The following SUCLG2 variants were observed in gnomAD, a reference collection of about 807,000 sequenced individuals.
The protein encoded by SUCLG2 is succinate-CoA ligase GDP-forming subunit beta.
Under a neutral mutation model 47.9 loss-of-function variants are expected in SUCLG2, and 42 were observed. The ratio of observed to expected loss-of-function variants is 0.88; its 90% CI spans 0.69 to 1.14. The LOEUF is 1.14. Among genes scored for constraint, SUCLG2 ranks in the 50% most tolerant of loss-of-function variants. The pLI is 0.00. For missense variants in SUCLG2, 571 were observed against 525.9 expected (o/e 1.09, Z -0.84); for synonymous variants, 195 against 197.3 (o/e 0.99, Z 0.10).
chr3:67,424,888 T>C lies in SUCLG2; in HGVS notation c.1063-24037A>G, dbSNP rs185684423. On this transcript the variant is annotated intron_variant, in intron 9 of 10. Coordinates refer to ENST00000307227, the MANE Select transcript of SUCLG2 (RefSeq NM_003848.4). ...TGCTTAGCATTCCACTTTTAGCCAATCTGAACAATCTCTTTACTGTATTCT... is the reference window on the plus strand; with the variant it reads ...TGCTTAGCATTCCACTTTTAGCCAACCTGAACAATCTCTTTACTGTATTCT... Among the ~76,000 whole-genome samples the C allele has an allele frequency of 4.0e-3, 614 of 152,194 alleles. 4 individuals carry two copies. Among genetic ancestry groups the C allele is most frequent in the South Asian group, 0.022 (108 of 4,812 alleles).
chr3:67,430,545 G>A (rs1465649883), intron 9 of SUCLG2, among the ~76,000 whole-genome samples: 2 of 152,136 alleles, frequency 1.3e-5, no homozygotes, highest in African/African-American at 4.8e-5. Flanking sequence ...AAAAGAACTA[G>A]AGAAGCAAGA....
chr3:67,525,286 T>C (rs1274242693), intron 4 of SUCLG2, among the ~76,000 whole-genome samples: 4 of 152,210 alleles, frequency 2.6e-5, no homozygotes, highest in Admixed American at 2.0e-4. Context: ...TTCTAGATTG[T>C]ACATAAAAAG....
intron 4 of SUCLG2, among the ~76,000 whole-genome samples, chr3:67,526,303 A>C (rs953077726): frequency 2.0e-5 from 3 of 152,060 alleles, no homozygotes; most frequent in African/African-American, 4.8e-5. Flanking sequence ...CTAAAATTGC[A>C]AAAAAAATCT....
chr3:67,654,128 G>C (rs921685027), intron 1 of SUCLG2, among the ~76,000 whole-genome samples: 10 of 152,240 alleles, frequency 6.6e-5, no homozygotes, highest in Admixed American at 5.9e-4. Context: ...CCAGAAGTTT[G>C]AAAAGCAGAA....
At chr3:67,478,640 TTTAA>T (rs1704830685) in intron 9 of SUCLG2, among the ~76,000 whole-genome samples, 1 of 152,256 alleles carries the variant, frequency 6.6e-6, no homozygotes, top group Non-Finnish European at 1.5e-5. Flanking sequence ...CACATACACA[TTTAA>T]TTTATGTAAA....
At chr3:67,628,090 T>A (rs542424576) in intron 1 of SUCLG2, among the ~76,000 whole-genome samples, 1 of 152,236 alleles carries the variant, frequency 6.6e-6, no homozygotes, top group Non-Finnish European at 1.5e-5. Flanking sequence ...ATAGTCTCTA[T>A]CTTTCTAACT....
rs182561202 is a variant in SUCLG2, at chr3:67,525,388, A to G, written c.417+2744T>C. On this transcript the variant is annotated intron_variant, in intron 4 of 10. Coordinates refer to ENST00000307227, the MANE Select transcript of SUCLG2 (RefSeq NM_003848.4). ...TCAATTTCAGAATTTATATAAATACAGTAATTAAGACTCTGTGATATTGGT... is the reference window on the plus strand; with the variant it reads ...TCAATTTCAGAATTTATATAAATACGGTAATTAAGACTCTGTGATATTGGT... Among the ~76,000 whole-genome samples the G allele has an allele frequency of 3.6e-3, 544 of 152,360 alleles. 2 individuals carry two copies. Among genetic ancestry groups the G allele is most frequent in the African/African-American group, 0.012 (519 of 41,588 alleles).
chr3:67,647,785 G>T (rs1046419534), intron 1 of SUCLG2, among the ~76,000 whole-genome samples: 2 of 152,100 alleles, frequency 1.3e-5, no homozygotes, highest in South Asian at 2.1e-4. Context: ...AAGATAATCA[G>T]AGCCCGGGAG....
At chr3:67,407,735 GCAAGCATGTTT>G in intron 9 of SUCLG2, among the ~76,000 whole-genome samples, 1 of 152,246 alleles carries the variant, frequency 6.6e-6, no homozygotes, top group Non-Finnish European at 1.5e-5. Flanking sequence ...TAAAAATCAA[GCAAGCATGTTT>G]ATATTAGCCA....
chr3:67,393,169 G>A (rs1030905087), intron 10 of SUCLG2, among the ~76,000 whole-genome samples: 20 of 152,354 alleles, frequency 1.3e-4, no homozygotes, highest in African/African-American at 3.6e-4. Flanking sequence ...GACAGTGGGC[G>A]CAGGACAGTG....
rs764610752 is a variant in SUCLG2, at chr3:67,632,766, T to C, written c.84+21737A>G. Among the ~76,000 whole-genome samples, 3 of 152,172 alleles carry C rather than the reference T, an allele frequency of 2.0e-5. No homozygotes were observed. In the East Asian group the frequency reaches 5.8e-4, roughly 29 times the overall value. ...GGAGGCACAGAAAGATTAACACATG[T>C]TTCCAAGGTCACAAGGATACAAACC... On this transcript the variant is annotated intron_variant, in intron 1 of 10. Coordinates refer to ENST00000307227, the MANE Select transcript of SUCLG2 (RefSeq NM_003848.4).
At chr3:67,616,064 G>A (rs1418891210) in intron 1 of SUCLG2, among the ~76,000 whole-genome samples, 1 of 151,808 alleles carries the variant, frequency 6.6e-6, no homozygotes, top group East Asian at 1.9e-4. Context: ...ACTTTTAAGA[G>A]ACCATGTGCA....
intron 2 of SUCLG2, among the ~76,000 whole-genome samples, chr3:67,555,413 T>G (rs1707132590): frequency 6.6e-6 from 1 of 152,178 alleles, no homozygotes; most frequent in South Asian, 2.1e-4. Flanking sequence ...TATACACACA[T>G]ACTACCTCCT....
chr3:67,470,294 T>A (rs974467859), intron 9 of SUCLG2, among the ~76,000 whole-genome samples: 1 of 152,164 alleles, frequency 6.6e-6, no homozygotes, highest in African/African-American at 2.4e-5. Context: ...AATGTGCACA[T>A]AATGAGCTTC....
chr3:67,578,550 A>C (rs1707803125), intron 2 of SUCLG2, among the ~76,000 whole-genome samples: 2 of 152,134 alleles, frequency 1.3e-5, no homozygotes, highest in Non-Finnish European at 2.9e-5. Flanking sequence ...GAGAGGGGAC[A>C]GGGCAATGAG....
intron 8 of SUCLG2, 109 bp from the exon 9 acceptor site, chr3:67,496,049 G>A: frequency 1.5e-6 from 2 of 1,326,206 alleles, no homozygotes; most frequent in Non-Finnish European, 2.1e-6. Context: ...TCATTGCCAG[G>A]CCAATTTATA....
At chr3:67,574,478 T>C (rs1227233234) in intron 2 of SUCLG2, among the ~76,000 whole-genome samples, 1 of 152,236 alleles carries the variant, frequency 6.6e-6, no homozygotes, top group Non-Finnish European at 1.5e-5. Flanking sequence ...TTGGGGAATG[T>C]ATCCTCTGTT....
At chr3:67,502,269 A>G (rs1442300802) in intron 7 of SUCLG2, among the ~76,000 whole-genome samples, 1 of 152,244 alleles carries the variant, frequency 6.6e-6, no homozygotes, top group Non-Finnish European at 1.5e-5. Flanking sequence ...TTGGTAGGAG[A>G]AAAATGTTTG....
At chr3:67,481,446 T>A (rs1205756408) in intron 9 of SUCLG2, among the ~76,000 whole-genome samples, 2 of 152,254 alleles carry the variant, frequency 1.3e-5, no homozygotes, top group Non-Finnish European at 2.9e-5. Context: ...TGGCCAGGAC[T>A]TGGCCATGGA....
Sources: allele counts gnomAD v4.1 joint callset (sites outside exome capture counted in the v4.1 genomes callset), GRCh38; gene constraint gnomAD v4.1.1; transcripts MANE v1.5; gene names NCBI Gene and HGNC (gene_info 2026-07-23, HGNC 2026-07-21).